CRLF2: variants seen among roughly 807,000 people sequenced by gnomAD.
The protein encoded by CRLF2 is cytokine receptor like factor 2, also known as cytokine receptor-like factor 2.
CRLF2 carries 41 observed loss-of-function variants against 38.7 expected under a neutral mutation model. The observed-to-expected ratio is 1.06, with a 90% CI of 0.83 to 1.37. The LOEUF (loss-of-function observed/expected upper bound fraction) is 1.37, where lower values mean the gene tolerates loss of function less well. CRLF2 is among the 40% of genes most tolerant of loss of function. The pLI is 0.00. For missense variants in CRLF2, 377 were observed against 322.2 expected, an observed-to-expected ratio of 1.17 and a Z score of -1.30; for synonymous variants, 140 against 128.8, an observed-to-expected ratio of 1.09 and a Z score of -0.59.
rs1221771942 is a variant in CRLF2 at position 1,190,908 on chromosome X, C to T, written c.1105G>A (p.Val369Met). The change falls in exon 8 of 8, where the codon GTG (valine) becomes ATG (methionine). Residue 369 changes from valine (V) to methionine (M), a missense_variant. Transcript: ENST00000400841. ...CAGTGGTGTGTCCATCACAACGCCACGTAGGAGCGGTCATTCATCACAAAG... is the reference window on the plus strand; with the variant it reads ...CAGTGGTGTGTCCATCACAACGCCATGTAGGAGCGGTCATTCATCACAAAG... ...FTFVMNDRSY[V>M]AL 11 of 398,690 alleles carry T rather than the reference C, an allele frequency of 2.8e-5. No individual in the cohort carries two copies. The highest frequency in any genetic ancestry group is 1.3e-4 in the South Asian group (1 of 7,862). 24.7% of individuals were successfully genotyped at this position (398,690 alleles called of 1,614,324 possible). A position where few individuals can be genotyped will look rare whatever the true frequency, so the allele number is the denominator to read the frequency against.
intron 1 of CRLF2, 25 bp from the exon 2 acceptor site, chrX:1,208,933 T>G: frequency 7.8e-7 from 1 of 1,274,478 alleles, no homozygotes; most frequent in Non-Finnish European, 1.1e-6. Context: ...ACGCATGAAG[T>G]TCACGGTGAG....
intron 1 of CRLF2, among the ~76,000 whole-genome samples, chrX:1,210,475 G>A (rs1349154606): frequency 2.6e-5 from 4 of 151,998 alleles, no homozygotes; most frequent in African/African-American, 9.7e-5. Context: ...CACCATGCCC[G>A]GCTGATTTTT....
intron 2 of CRLF2, among the ~76,000 whole-genome samples, chrX:1,208,151 G>A (rs1357538610): frequency 6.6e-6 from 1 of 152,072 alleles, no homozygotes; most frequent in Non-Finnish European, 1.5e-5. Context: ...GTAAGGCTGT[G>A]AAATGTTTCA....
Position 1,190,981 on chromosome X carries a change from G to A in CRLF2, c.1032C>T (p.Pro344=). ...CATCACCGCCTTGGAGGGGCTGGTGGGGAAGCTGGAGGGATCCCCCAGAGG... is the reference window on the plus strand; with the variant it reads ...CATCACCGCCTTGGAGGGGCTGGTGAGGAAGCTGGAGGGATCCCCCAGAGG... ...KEASGGSLQL[P]HQPLQGGDVV... is the part of the protein sequence containing the mutation. Residue 344 remains proline, a synonymous_variant, in exon 8 of 8, where the codon CCC becomes CCT. Transcript: ENST00000400841. 2.5e-6 allele frequency: 1 copy of A among 398,744 alleles called. No homozygotes were observed. Among genetic ancestry groups the A allele is most frequent in the Non-Finnish European group, 4.4e-6 (1 of 226,142 alleles). 24.7% of individuals were successfully genotyped at this position (398,744 alleles called of 1,614,324 possible). A position where few individuals can be genotyped will look rare whatever the true frequency, so the allele number is the denominator to read the frequency against.
chrX:1,209,486 C>T lies in CRLF2; in HGVS notation c.80-578G>A, dbSNP rs1388012943. Among the ~76,000 whole-genome samples the T allele has an allele frequency of 4.0e-5, 6 of 151,560 alleles. No individual in the cohort carries two copies. The East Asian group carries it at 5.9e-4, about 15-fold the overall frequency. ...AGCTGGGGCTACAGGTGCCCGCCAC[C>T]ATGCCTGGATAATTTTTTGTACTTT... On this transcript the variant is annotated intron_variant, in intron 1 of 7. Coordinates refer to ENST00000400841, the MANE Select transcript of CRLF2 (RefSeq NM_022148.4).
chrX:1,192,687 CTTTCTTTTTCTTTTCT>C (rs1385080873), intron 7 of CRLF2, among the ~76,000 whole-genome samples: 1 of 142,246 alleles, frequency 7.0e-6, no homozygotes, highest in East Asian at 2.0e-4. Context: ...TTCTTTTTCT[CTTTCTTTTTCTTTTCT>C]TTTCTTTTCT....
At chrX:1,208,512 T>C (rs2086731112) in intron 2 of CRLF2, among the ~76,000 whole-genome samples, 1 of 152,032 alleles carries the variant, frequency 6.6e-6, no homozygotes, top group Admixed American at 6.6e-5. Flanking sequence ...TGAGCCGAGA[T>C]TGCGCCACTG....
chrX:1,191,517 C>T (rs1365086531), intron 7 of CRLF2, among the ~76,000 whole-genome samples: 58 of 150,460 alleles, frequency 3.9e-4, no homozygotes, highest in Non-Finnish European at 6.6e-4. Context: ...CACCAATACC[C>T]TTGTAAACCA....
chrX:1,212,209 G>C (rs2086815068), intron 1 of CRLF2, among the ~76,000 whole-genome samples: 1 of 151,862 alleles, frequency 6.6e-6, no homozygotes, highest in African/African-American at 2.4e-5. Context: ...TTGATGGATA[G>C]ATTAAAAATG....
rs1443343559 is a variant in CRLF2, at chrX:1,195,551, G to C, written c.767+1229C>G. Among the ~76,000 whole-genome samples the C allele has an allele frequency of 1.9e-3, 276 of 149,118 alleles. 3 individuals carry two copies. Among genetic ancestry groups the C allele is most frequent in the Middle Eastern group, 7.1e-3 (2 of 280 alleles). On this transcript the variant is annotated intron_variant, in intron 6 of 7. Coordinates refer to ENST00000400841, the MANE Select transcript of CRLF2 (RefSeq NM_022148.4). ...GCCTCCCAAATAGCTGGGACTACAA[G>C]TGCACGCTACTACGCCCAGCTAATT...
intron 1 of CRLF2, among the ~76,000 whole-genome samples, chrX:1,210,980 G>A (rs2086786940): frequency 6.6e-6 from 1 of 151,748 alleles, no homozygotes; most frequent in African/African-American, 2.4e-5. Context: ...TGTGTACATG[G>A]ATGGGTGGAT....
chrX:1,205,068 C>T (rs1213233243), intron 3 of CRLF2, among the ~76,000 whole-genome samples: 5 of 152,238 alleles, frequency 3.3e-5, no homozygotes, highest in Non-Finnish European at 5.9e-5. Context: ...CTCAAGTGAT[C>T]CGCCCGCCTT....
At chrX:1,195,792 ATATT>A (rs1390044510) in intron 6 of CRLF2, among the ~76,000 whole-genome samples, 2 of 108,780 alleles carry the variant, frequency 1.8e-5, no homozygotes, top group East Asian at 5.0e-4. Flanking sequence ...AATTTTATAT[ATATT>A]TATATATTAT....
chrX:1,196,430 C>T (rs1370195792), intron 6 of CRLF2, among the ~76,000 whole-genome samples: 2 of 151,936 alleles, frequency 1.3e-5, no homozygotes, highest in African/African-American at 2.4e-5. Flanking sequence ...TTATGATTCA[C>T]CTGCCTTGGC....
intron 7 of CRLF2, 65 bp downstream of exon 7, chrX:1,193,153 G>C (rs1425501715): frequency 2.5e-6 from 1 of 398,162 alleles, no homozygotes; most frequent in Non-Finnish European, 4.4e-6. Flanking sequence ...CAGAGAGATA[G>C]GAATGCAGGC....
chrX:1,196,739 A>G (rs777369488), intron 6 of CRLF2, 41 bp downstream of exon 6: 1 of 1,607,570 alleles, frequency 6.2e-7, no homozygotes, highest in Non-Finnish European at 8.5e-7. Flanking sequence ...ACATTGTGCA[A>G]GCAGGTCCCT....
chrX:1,196,041 C>G (rs2086469365), intron 6 of CRLF2, among the ~76,000 whole-genome samples: 1 of 140,568 alleles, frequency 7.1e-6, no homozygotes, highest in Non-Finnish European at 1.5e-5. Context: ...ATTATACACC[C>G]GGCTAATTTT....
intron 2 of CRLF2, among the ~76,000 whole-genome samples, chrX:1,208,452 G>A (rs1321957441): frequency 1.3e-5 from 2 of 152,052 alleles, no homozygotes; most frequent in Non-Finnish European, 2.9e-5. Flanking sequence ...CCAGCTACTC[G>A]GGAGGCTGAG....
intron 6 of CRLF2, among the ~76,000 whole-genome samples, chrX:1,193,675 G>A (rs1477427521): frequency 6.6e-5 from 10 of 151,730 alleles, no homozygotes; most frequent in African/African-American, 9.7e-5. Context: ...CCAGCTACTC[G>A]GGAGGCTGAG....
Sources: allele counts gnomAD v4.1 joint callset (sites outside exome capture counted in the v4.1 genomes callset), GRCh38; gene constraint gnomAD v4.1.1; transcripts MANE v1.5; gene names NCBI Gene and HGNC (gene_info 2026-07-23, HGNC 2026-07-21).